Variants in BLTP3B observed in about 807,000 individuals in gnomAD.
BLTP3B encodes the protein UHRF1 (ICBP90) binding protein 1-like.
the BLTP3B span, chr12:100,098,258 A>T: frequency 7.4e-7 from 1 of 1,354,412 alleles, no homozygotes; most frequent in Non-Finnish European, 9.9e-7. Context: ...AGAAAAGCAA[A>T]GTTAAAAGGC....
At chr12:100,041,857 T>C in the BLTP3B span, among the ~76,000 whole-genome samples, 2 of 152,120 alleles carry the variant, frequency 1.3e-5, no homozygotes, top group Non-Finnish European at 2.9e-5. Context: ...CTAAACATGA[T>C]CTTGCGTATA....
the BLTP3B span, among the ~76,000 whole-genome samples, chr12:100,064,463 A>G: frequency 6.6e-6 from 1 of 152,210 alleles, no homozygotes. Flanking sequence ...TCACAAAAAG[A>G]TGATTGCCTA....
At chr12:100,123,340 T>C in the BLTP3B span, among the ~76,000 whole-genome samples, 12,264 of 152,238 alleles carry the variant, frequency 0.081, 654 homozygotes, top group African/African-American at 0.13. Context: ...AATGGTATTT[T>C]AGAAGGAACT....
chr12:100,140,729 A>AAAAATATATATAT, the BLTP3B span, among the ~76,000 whole-genome samples: 4 of 61,500 alleles, frequency 6.5e-5, no homozygotes, highest in African/African-American at 1.0e-4. Flanking sequence ...AAAAAAAAAA[A>AAAAATATATATAT]ATATATATAT....
chr12:100,130,949 C>CATACATATAT, the BLTP3B span, among the ~76,000 whole-genome samples: 1 of 97,546 alleles, frequency 1.0e-5, no homozygotes, highest in East Asian at 2.6e-4. Context: ...TACATACATA[C>CATACATATAT]ATATATATAT....
chr12:100,058,288 T>C, the BLTP3B span: 1 of 1,613,896 alleles, frequency 6.2e-7, no homozygotes, highest in Non-Finnish European at 8.5e-7. Flanking sequence ...TTTTTGTCAC[T>C]TGTTTCTGAT....
At chr12:100,044,215 T>C in the BLTP3B span, among the ~76,000 whole-genome samples, 2 of 152,202 alleles carry the variant, frequency 1.3e-5, no homozygotes, top group African/African-American at 2.4e-5. Flanking sequence ...TTATCAGTAA[T>C]GAAGCTACCA....
chr12:100,083,048 C>T, the BLTP3B span: 3 of 1,613,566 alleles, frequency 1.9e-6, no homozygotes, highest in Non-Finnish European at 2.5e-6. Flanking sequence ...AGTCTAACCA[C>T]AACAGAACTA....
chr12:100,091,451 G>T, the BLTP3B span, among the ~76,000 whole-genome samples: 10 of 151,772 alleles, frequency 6.6e-5, no homozygotes, highest in South Asian at 8.3e-4. Context: ...GCCTCCCAAA[G>T]TACTGGGATT....
chr12:100,124,606 G>A, the BLTP3B span, among the ~76,000 whole-genome samples: 2 of 151,154 alleles, frequency 1.3e-5, no homozygotes, highest in Non-Finnish European at 3.0e-5. Context: ...TTAGCTGGGC[G>A]TGATGGCACG....
At chr12:100,080,632 A>G in the BLTP3B span, among the ~76,000 whole-genome samples, 1 of 152,008 alleles carries the variant, frequency 6.6e-6, no homozygotes, top group Non-Finnish European at 1.5e-5. Context: ...TTGTACCCCC[A>G]CTGTATCTAG....
chr12:100,125,121 C>T, the BLTP3B span, among the ~76,000 whole-genome samples: 1 of 149,368 alleles, frequency 6.7e-6, no homozygotes, highest in East Asian at 2.0e-4. Context: ...CATCCGAGGT[C>T]AGGAGTTCCA....
At chr12:100,051,427 G>A in the BLTP3B span, 4 of 413,816 alleles carry the variant, frequency 9.7e-6, no homozygotes, top group Non-Finnish European at 1.6e-5. Context: ...AACTATCTGT[G>A]GTAAAAGACA....
chr12:100,139,831 G>A, the BLTP3B span, among the ~76,000 whole-genome samples: 7 of 152,096 alleles, frequency 4.6e-5, no homozygotes, highest in African/African-American at 7.2e-5. Flanking sequence ...AAATATGTAC[G>A]ACAGACAAGC....
the BLTP3B span, among the ~76,000 whole-genome samples, chr12:100,111,931 AG>A: frequency 6.6e-6 from 1 of 151,988 alleles, no homozygotes; most frequent in African/African-American, 2.4e-5. Context: ...TTTTAAAGAC[AG>A]GGACTCACTA....
the BLTP3B span, among the ~76,000 whole-genome samples, chr12:100,135,545 A>C: frequency 2.6e-5 from 4 of 152,248 alleles, no homozygotes; most frequent in South Asian, 8.3e-4. Flanking sequence ...CTGGGATTAC[A>C]GGTGAGACAC....
the BLTP3B span, among the ~76,000 whole-genome samples, chr12:100,076,497 G>A: frequency 1.1e-4 from 17 of 150,374 alleles, no homozygotes; most frequent in Admixed American, 2.7e-4. Flanking sequence ...GGACTGAAGC[G>A]ATTCTCGTGC....
the BLTP3B span, among the ~76,000 whole-genome samples, chr12:100,142,109 C>G: frequency 1.3e-5 from 2 of 152,186 alleles, no homozygotes; most frequent in Non-Finnish European, 1.5e-5. Flanking sequence ...ACAAGGTTAA[C>G]GTTCCACTGA....
the BLTP3B span, among the ~76,000 whole-genome samples, chr12:100,091,808 T>TC: frequency 6.8e-6 from 1 of 147,906 alleles, no homozygotes; most frequent in African/African-American, 2.6e-5. Flanking sequence ...CCTGGCCAAA[T>TC]CTTTTTTTTT....
Sources: gnomAD v4.1 joint callset for allele counts (sites outside exome capture counted in the v4.1 genomes callset) on GRCh38, gnomAD v4.1.1 for gene constraint, MANE v1.5 for transcripts, NCBI Gene and HGNC (gene_info 2026-07-23, HGNC 2026-07-21) for gene names.